Variants in DNPEP observed in about 807,000 individuals in gnomAD.
DNPEP encodes the protein aspartyl aminopeptidase.
In DNPEP, 46 loss-of-function variants were observed where a neutral mutation model predicts 59.1. The observed-to-expected ratio is 0.78, with a 90% confidence interval of 0.61 to 0.99. The LOEUF (loss-of-function observed/expected upper bound fraction) is 0.99. DNPEP is among the 50% of genes least tolerant of loss of function. The pLI, the probability that DNPEP is intolerant of heterozygous loss-of-function variation, is 0.00. For missense variants in DNPEP, 617 were observed against 649.9 expected (o/e 0.95, Z 0.55); for synonymous variants, 229 against 242.2 (o/e 0.95, Z 0.50).
At chr2:219,393,341 A>G (rs1263172263), upstream of DNPEP, among the ~76,000 whole-genome samples, 1 of 151,946 alleles carries the variant, frequency 6.6e-6, no homozygotes, top group African/African-American at 2.4e-5. Flanking sequence ...GTGCAGTGGC[A>G]TGATCTCAGT....
At position 219,374,858 on chromosome 2, in the gene DNPEP, G is replaced by A. The variant is rs1382230870; in HGVS notation, c.1404C>T (p.Phe468=). The change falls in exon 14 of 15, where the codon TTC becomes TTT. Residue 468 remains phenylalanine, a synonymous_variant. Coordinates refer to ENST00000273075, the MANE Select transcript of DNPEP (RefSeq NM_012100.4). The part of the protein sequence containing the change: ...TTGVLQTLTL[F]KGFFELFPSL... The stretch of plus-strand genomic sequence containing the variant: ...GAGGGTCTGGGGTGGGTGTTACCTT[G>A]AAGAGGGTGAGGGTCTGGAGGACTC... The A allele has an allele frequency of 6.2e-7, 1 of 1,613,036 alleles. No homozygotes were observed. Among genetic ancestry groups the A allele is most frequent in the Non-Finnish European group, 8.5e-7 (1 of 1,179,122 alleles).
At chr2:219,396,073 G>GA (rs1388519057) in intron 1 of DNPEP, among the ~76,000 whole-genome samples, 1 of 152,118 alleles carries the variant, frequency 6.6e-6, no homozygotes, top group Non-Finnish European at 1.5e-5. Flanking sequence ...TATGCTGAGT[G>GA]AAAAAAATGA....
intron 13 of DNPEP, among the ~76,000 whole-genome samples, chr2:219,378,642 T>C (rs2125129258): frequency 6.6e-6 from 1 of 152,316 alleles, no homozygotes; most frequent in Middle Eastern, 3.4e-3. Context: ...AGTCATGCAC[T>C]ACATGGTGAC....
rs1156775839 is a variant in DNPEP, at chr2:219,372,224, A to C, written c.*2068T>G. 1.3e-5 allele frequency among the ~76,000 whole-genome samples: 2 copies of C among 152,224 alleles called. No individual in the cohort carries two copies. Among genetic ancestry groups the C allele is most frequent in the African/African-American group, 2.4e-5 (1 of 41,462 alleles). On this transcript the variant is annotated 3_prime_UTR_variant, in exon 15 of 15. Coordinates refer to ENST00000273075, the MANE Select transcript of DNPEP (RefSeq NM_012100.4). ...TAATACATGGTACATTCTGTTATAC[A>C]AAAGGAAACCATTACAAAAAGGCTA...
chr2:219,390,842 TAATA>T (rs1331364847), upstream of DNPEP, among the ~76,000 whole-genome samples: 1 of 152,134 alleles, frequency 6.6e-6, no homozygotes, highest in East Asian at 1.9e-4. Flanking sequence ...AAAAAAAAAT[TAATA>T]AATAATAAAA....
upstream of DNPEP, chr2:219,388,836 C>T: frequency 1.0e-6 from 1 of 985,456 alleles, no homozygotes; most frequent in Non-Finnish European, 1.2e-6. Context: ...CCTGTTACCT[C>T]GTTTAATCTT....
In DNPEP at chr2:219,386,981, C is replaced by A. The variant is rs1460689506; in HGVS notation, c.131-1G>T. 1.9e-6 allele frequency: 3 copies of A among 1,614,062 alleles called. No individual in the cohort carries two copies. Among genetic ancestry groups the A allele is most frequent in the South Asian group, 2.2e-5 (2 of 91,072 alleles). ...AGGCGGTTGCGGCATTCAGCCACAG[C>A]TGTGGGAAAAGCACCCTCTCACAGC... On this transcript the variant is annotated splice_acceptor_variant, in intron 2 of 14. Transcript: ENST00000273075. LOFTEE classifies it high-confidence loss of function.
intron 1 of DNPEP, 116 bp from the exon 2 acceptor site, chr2:219,387,279 T>TTTGA: frequency 6.8e-7 from 1 of 1,462,202 alleles, no homozygotes; most frequent in African/African-American, 1.4e-5. Flanking sequence ...GGCACAGACC[T>TTTGA]CTGCTTCCGC....
intron 9 of DNPEP, among the ~76,000 whole-genome samples, chr2:219,383,473 C>T (rs10932802): frequency 0.99 from 150,132 of 151,274 alleles, 74,505 homozygotes; most frequent in East Asian, 1. Flanking sequence ...CCTTTTTTTT[C>T]TCTTTTTTTC....
In DNPEP at chr2:219,386,885, C is replaced by T; in HGVS notation, c.219+7G>A. 1.9e-6 allele frequency: 3 copies of T among 1,613,140 alleles called. No individual in the cohort carries two copies. The highest frequency in any genetic ancestry group is 2.5e-6 in the Non-Finnish European group (3 of 1,179,150). ...CTGCCTTTCCACCCCCACCCCACCC[C>T]CAGTACCTTGCTCTCGGGCTTAATA... is the stretch of plus-strand genomic sequence containing the variant. On this transcript the variant is annotated splice_region_variant and intron_variant, in intron 3 of 14. Coordinates refer to ENST00000273075, the MANE Select transcript of DNPEP (RefSeq NM_012100.4).
chr2:219,380,837 A>G (rs940880758), intron 13 of DNPEP, among the ~76,000 whole-genome samples: 5 of 139,838 alleles, frequency 3.6e-5, no homozygotes, highest in East Asian at 4.2e-4. Context: ...TACAACATAT[A>G]TATGTACACA....
intron 13 of DNPEP, among the ~76,000 whole-genome samples, chr2:219,377,409 A>G (rs1214894399): frequency 1.3e-5 from 2 of 152,000 alleles, no homozygotes; most frequent in Non-Finnish European, 2.9e-5. Context: ...AGACATATCC[A>G]GAAGTTTCTT....
At chr2:219,387,251 C>A in intron 1 of DNPEP, 88 bp from the exon 2 acceptor site, 2 of 1,518,216 alleles carry the variant, frequency 1.3e-6, no homozygotes, top group Non-Finnish European at 1.8e-6. Context: ...TCCCCACCCC[C>A]AGAAGTGACC....
intron 1 of DNPEP, 179 bp from the exon 2 acceptor site, chr2:219,387,342 A>T: frequency 6.9e-7 from 1 of 1,440,680 alleles, no homozygotes; most frequent in Non-Finnish European, 9.1e-7. Context: ...TGAAAGCTTC[A>T]GCCCGCCGGC....
chr2:219,399,572 C>T (rs960245854), intron 1 of DNPEP: 13 of 602,858 alleles, frequency 2.2e-5, no homozygotes, highest in Admixed American at 8.6e-5. Context: ...ACACTTGTGC[C>T]GATGGGTGGG....
chr2:219,386,024 G>A lies in DNPEP; in HGVS notation c.534C>T (p.Ala178=), dbSNP rs113421422. The A allele has an allele frequency of 6.8e-6, 11 of 1,614,184 alleles. No homozygotes were observed. The highest frequency in any genetic ancestry group is 9.3e-6 in the Non-Finnish European group (11 of 1,180,036). ...ERPILRIPHL[A]IHLQRNINEN... ...CGTTGATATTTCGCTGCAGATGGAT[G>A]GCCAGGTGTGGGATGCGAAGAATGG... The change falls in exon 6 of 15, where the codon GCC becomes GCT. Residue 178 remains alanine (A), a synonymous_variant. Transcript: ENST00000273075.
chr2:219,386,375 G>A lies in DNPEP; in HGVS notation c.370C>T (p.Gln124Ter). 1 of 1,614,224 alleles carries A rather than the reference G, an allele frequency of 6.2e-7. No individual in the cohort carries two copies. Among genetic ancestry groups the A allele is most frequent in the Non-Finnish European group, 8.5e-7 (1 of 1,180,038 alleles). Reference protein sequence around the residue: ...RRSRRSQVGFQQVGVETYGGG... With the variant: ...RRSRRSQVGF ...CCATAGGTCTCCACACCGACTTGCT[G>A]GAAGCCCACCTGGCTGCGGCGAGAC... The change falls in exon 5 of 15, where the codon CAG (glutamine) becomes TAG (stop). Residue 124 changes from glutamine (Q) to a stop codon, truncating the protein, a stop_gained. Transcript: ENST00000273075. LOFTEE classifies it high-confidence loss of function.
chr2:219,387,404 C>G (rs1197453303), intron 1 of DNPEP: 20 of 1,438,574 alleles, frequency 1.4e-5, no homozygotes, highest in Non-Finnish European at 1.6e-5. Context: ...GCCCGACTCC[C>G]TAAGTCCCGC....
intron 12 of DNPEP, 27 bp downstream of exon 12, chr2:219,381,518 T>C: frequency 6.2e-7 from 1 of 1,613,844 alleles, no homozygotes; most frequent in Non-Finnish European, 8.5e-7. Context: ...GACCTCCAAG[T>C]CCCTAGGGAG....
Sources: allele counts gnomAD v4.1 joint callset (sites outside exome capture counted in the v4.1 genomes callset), GRCh38; gene constraint gnomAD v4.1.1; transcripts MANE v1.5; gene names NCBI Gene and HGNC (gene_info 2026-07-23, HGNC 2026-07-21).